The following GUCY1B1 variants were observed in gnomAD, a reference collection of about 807,000 sequenced individuals.
The protein encoded by GUCY1B1 is guanylate cyclase soluble subunit beta-1.
In GUCY1B1, 43 loss-of-function variants were observed where a neutral mutation model predicts 71.0. The ratio of observed to expected loss-of-function variants is 0.61; its 90% CI spans 0.47 to 0.78. GUCY1B1 has a LOEUF of 0.78. Ranked by LOEUF, GUCY1B1 falls within the 30% of genes least tolerant of loss-of-function variation. The pLI, the probability that GUCY1B1 is intolerant of heterozygous loss-of-function variation, is 0.00. For synonymous variants in GUCY1B1, 266 were observed against 259.7 expected (o/e 1.02, Z -0.23); for missense variants, 535 against 754.1 (o/e 0.71, Z 3.40).
intron 4 of GUCY1B1, among the ~76,000 whole-genome samples, chr4:155,781,614 A>T (rs1431894234): frequency 1.3e-5 from 2 of 152,142 alleles, no homozygotes; most frequent in Non-Finnish European, 2.9e-5. Context: ...GATAAATAAT[A>T]TTTAGGATAT....
intron 2 of GUCY1B1, among the ~76,000 whole-genome samples, chr4:155,772,241 G>T (rs1737740340): frequency 6.6e-6 from 1 of 152,144 alleles, no homozygotes; most frequent in South Asian, 2.1e-4. Context: ...AATATTTTAT[G>T]TACAGTGCTA....
intron 2 of GUCY1B1, among the ~76,000 whole-genome samples, chr4:155,760,472 A>C (rs979758016): frequency 6.0e-5 from 4 of 67,024 alleles, no homozygotes; most frequent in Non-Finnish European, 1.2e-4. Flanking sequence ...ACTGTGTTGA[A>C]GACTTAACAG....
chr4:155,802,311 A>G lies in GUCY1B1; in HGVS notation c.1176-31A>G. 6.2e-7 allele frequency: 1 copy of G among 1,613,044 alleles called. No homozygotes were observed. Among genetic ancestry groups the G allele is most frequent in the East Asian group, 2.2e-5 (1 of 44,856 alleles). ...ACTAAAGGCTTTCCCAGTATTTCTT[A>G]CAGTGGCTTTCTGCTGATCCCACTG... On this transcript the variant is annotated intron_variant, in intron 9 of 13. Coordinates refer to ENST00000264424, the MANE Select transcript of GUCY1B1 (RefSeq NM_000857.5). The surrounding 1 kb of genome is among the most constrained non-coding windows in gnomAD (Gnocchi z 4.3).
intron 4 of GUCY1B1, among the ~76,000 whole-genome samples, chr4:155,789,412 C>T (rs1739007820): frequency 6.6e-6 from 1 of 152,182 alleles, no homozygotes; most frequent in Non-Finnish European, 1.5e-5. Context: ...TTTGCCTTAG[C>T]CCTTAACTAT....
chr4:155,790,005 G>A lies in GUCY1B1; in HGVS notation c.495+94G>A, dbSNP rs1222508695. On this transcript the variant is annotated intron_variant, in intron 5 of 13. Transcript: ENST00000264424. ...AATTTACCTGCAGTTATCACTGTTA[G>A]TGCTCTTCCCTGGAAGTATATATAA... 3 of 807,942 alleles carry A rather than the reference G, an allele frequency of 3.7e-6. No homozygotes were observed. In the Admixed American group the frequency reaches 7.1e-5, roughly 19 times the overall value. 50.0% of individuals were successfully genotyped at this position (807,942 alleles called of 1,614,324 possible).
At chr4:155,769,121 T>G (rs1340744280) in intron 2 of GUCY1B1, among the ~76,000 whole-genome samples, 1 of 152,128 alleles carries the variant, frequency 6.6e-6, no homozygotes, top group African/African-American at 2.4e-5. Context: ...GCATTAAGTG[T>G]GCAAGAAGTA....
chr4:155,793,948 C>T lies in GUCY1B1; in HGVS notation c.588C>T (p.Asp196=). The T allele has an allele frequency of 1.3e-6, 2 of 1,598,666 alleles. No homozygotes were observed. Among genetic ancestry groups the T allele is most frequent in the Non-Finnish European group, 1.7e-6 (2 of 1,166,024 alleles). Residue 196 remains aspartate, a synonymous_variant, in exon 6 of 14, where the codon GAC becomes GAT. Transcript: ENST00000264424. ...SKEEDFYEDL[D]RFEENGTQES... is the part of the protein sequence containing the mutation. ...AAGAGGATTTTTATGAAGATCTTGACAGATTTGAAGAAAATGGTACCCAGG... is the reference window on the plus strand; with the variant it reads ...AAGAGGATTTTTATGAAGATCTTGATAGATTTGAAGAAAATGGTACCCAGG...
chr4:155,776,651 C>G (rs1217119083), intron 3 of GUCY1B1, among the ~76,000 whole-genome samples: 1 of 151,802 alleles, frequency 6.6e-6, no homozygotes, highest in Non-Finnish European at 1.5e-5. Flanking sequence ...GCCTGGGCGA[C>G]AAAGTGAGAC....
chr4:155,761,133 C>A (rs986952212), intron 2 of GUCY1B1, among the ~76,000 whole-genome samples: 2 of 152,090 alleles, frequency 1.3e-5, no homozygotes, highest in Admixed American at 6.5e-5. Context: ...TAAACAGAAG[C>A]CGAGATTTGG....
intron 4 of GUCY1B1, among the ~76,000 whole-genome samples, chr4:155,780,018 A>C (rs1371538316): frequency 1.3e-5 from 2 of 152,124 alleles, no homozygotes; most frequent in African/African-American, 4.8e-5. Flanking sequence ...CTAGAGGTTG[A>C]ATGGATTCCC....
At chr4:155,760,009 T>G in intron 2 of GUCY1B1, 149 bp downstream of exon 2, 1 of 594,408 alleles carries the variant, frequency 1.7e-6, no homozygotes, top group Non-Finnish European at 3.0e-6. Context: ...TCGCTGCAGC[T>G]GCGCTCCCAC....
chr4:155,798,004 G>C (rs1441193235), intron 8 of GUCY1B1, among the ~76,000 whole-genome samples: 2 of 152,036 alleles, frequency 1.3e-5, no homozygotes, highest in Non-Finnish European at 2.9e-5. Context: ...CCTCTTCACA[G>C]GTTGAGCTTA....
chr4:155,789,711 C>T lies in GUCY1B1; in HGVS notation c.298-3C>T. Reference sequence around the variant, plus strand: ...ATTGGTCTCCCTTTCTTCTTTGCTGCAGAACCTTGATGCTCTGCACGACCA... The same window carrying T: ...ATTGGTCTCCCTTTCTTCTTTGCTGTAGAACCTTGATGCTCTGCACGACCA... On this transcript the variant is annotated splice_polypyrimidine_tract_variant and splice_region_variant and intron_variant, in intron 4 of 13. Transcript: ENST00000264424. The T allele has an allele frequency of 6.4e-7, 1 of 1,561,998 alleles. No homozygotes were observed. The highest frequency in any genetic ancestry group is 8.7e-7 in the Non-Finnish European group (1 of 1,144,434).
intron 2 of GUCY1B1, among the ~76,000 whole-genome samples, chr4:155,766,938 G>C (rs1204187204): frequency 6.6e-6 from 1 of 152,096 alleles, no homozygotes; most frequent in Admixed American, 6.6e-5. Context: ...TGCAGTCACA[G>C]TCCTAGATGC....
chr4:155,800,069 A>G lies in GUCY1B1; in HGVS notation c.1170A>G (p.Thr390=), dbSNP rs1371696252. 1.9e-6 allele frequency: 3 copies of G among 1,604,060 alleles called. No homozygotes were observed. Among genetic ancestry groups the G allele is most frequent in the Non-Finnish European group, 2.6e-6 (3 of 1,172,232 alleles). The change falls in exon 9 of 14, where the codon ACA becomes ACG. Residue 390 remains threonine (T), a synonymous_variant. Transcript: ENST00000264424. ...CCCTGGAAGATGAAAAGAAAAAGAC[A>G]GACACGTAAGAATGTAACGCTTGGA... ...LRALEDEKKK[T]DTLLYSVLPP...
intron 2 of GUCY1B1, among the ~76,000 whole-genome samples, chr4:155,769,041 C>G (rs937283081): frequency 6.6e-6 from 1 of 152,124 alleles, no homozygotes; most frequent in Non-Finnish European, 1.5e-5. Context: ...GCCATTTCCT[C>G]TTTCTCCTTT....
intron 13 of GUCY1B1, 96 bp downstream of exon 13, chr4:155,805,325 A>C (rs2111186279): frequency 9.6e-7 from 1 of 1,037,804 alleles, no homozygotes; most frequent in Non-Finnish European, 1.4e-6. Flanking sequence ...ATTTGAAAAG[A>C]ATTCTTGCTA....
chr4:155,800,471 T>C (rs191038826), intron 9 of GUCY1B1, among the ~76,000 whole-genome samples: 1 of 152,210 alleles, frequency 6.6e-6, no homozygotes, highest in African/African-American at 2.4e-5. Flanking sequence ...CTCTGCACAA[T>C]GAACTTAACC....
chr4:155,797,291 G>C (rs1195872034), intron 8 of GUCY1B1, among the ~76,000 whole-genome samples: 2 of 151,968 alleles, frequency 1.3e-5, no homozygotes, highest in African/African-American at 4.8e-5. Flanking sequence ...GTGAGCTATT[G>C]GTTAAAAATT....
Sources: gnomAD v4.1 joint callset for allele counts (sites outside exome capture counted in the v4.1 genomes callset) on GRCh38, gnomAD v4.1.1 for gene constraint, Gnocchi (gnomAD v3.1) non-coding constraint, MANE v1.5 for transcripts, NCBI Gene and HGNC (gene_info 2026-07-23, HGNC 2026-07-21) for gene names.